The following FBXL17 variants were observed in gnomAD, a reference collection of about 807,000 sequenced individuals.
FBXL17 encodes F-box/LRR-repeat protein 17.
FBXL17 carries 22 observed loss-of-function variants against 66.2 expected under a neutral mutation model. That is an observed-to-expected ratio of 0.33 (90% CI 0.24 to 0.47). FBXL17 has a LOEUF of 0.47. FBXL17 is among the 20% of genes least tolerant of loss of function. The pLI is 1.00. For missense variants in FBXL17, 878 were observed against 948.2 expected (o/e 0.93, Z 0.97); for synonymous variants, 474 against 400.5 (o/e 1.18, Z -2.19).
At chr5:108,097,161 G>A (rs1201095371) in intron 6 of FBXL17, among the ~76,000 whole-genome samples, 2 of 151,166 alleles carry the variant, frequency 1.3e-5, no homozygotes, top group Non-Finnish European at 2.9e-5. Flanking sequence ...ATAAACGGCA[G>A]TTTCACCTGT....
At chr5:107,868,050 G>A (rs1327616673) in intron 8 of FBXL17, among the ~76,000 whole-genome samples, 3 of 152,200 alleles carry the variant, frequency 2.0e-5, no homozygotes, top group Admixed American at 1.3e-4. Context: ...AGACAGGAAA[G>A]GAATAATATT....
intron 6 of FBXL17, among the ~76,000 whole-genome samples, chr5:108,139,594 A>C (rs889623677): frequency 6.6e-6 from 1 of 152,046 alleles, no homozygotes; most frequent in Non-Finnish European, 1.5e-5. Flanking sequence ...AGCTCTTCCA[A>C]ATTTTAGCTC....
At chr5:108,059,367 A>T (rs572424583) in intron 6 of FBXL17, among the ~76,000 whole-genome samples, 1 of 152,316 alleles carries the variant, frequency 6.6e-6, no homozygotes, top group South Asian at 2.1e-4. Flanking sequence ...TTCCATTAAC[A>T]TATGAAGAAG....
intron 7 of FBXL17, among the ~76,000 whole-genome samples, chr5:107,929,749 T>C (rs1169007996): frequency 2.0e-5 from 3 of 152,096 alleles, no homozygotes; most frequent in African/African-American, 4.8e-5. Flanking sequence ...TGTAGGAGCA[T>C]CACCTGTTCC....
At chr5:107,963,085 G>T (rs1237042680) in intron 7 of FBXL17, among the ~76,000 whole-genome samples, 2 of 152,070 alleles carry the variant, frequency 1.3e-5, no homozygotes, top group African/African-American at 4.8e-5. Flanking sequence ...AAAGATCAAA[G>T]ATATTTTCTT....
intron 4 of FBXL17, among the ~76,000 whole-genome samples, chr5:108,247,684 G>A (rs1299949391): frequency 1.3e-5 from 2 of 151,978 alleles, no homozygotes; most frequent in Admixed American, 1.3e-4. Context: ...AAAGTTTTGA[G>A]GATATTTTAA....
intron 6 of FBXL17, among the ~76,000 whole-genome samples, chr5:108,121,024 C>A (rs915323515): frequency 6.6e-6 from 1 of 152,134 alleles, no homozygotes; most frequent in Non-Finnish European, 1.5e-5. Flanking sequence ...AGTAAACAGG[C>A]TATACCGTTA....
intron 6 of FBXL17, among the ~76,000 whole-genome samples, chr5:108,037,276 A>C (rs940872664): frequency 1.3e-5 from 2 of 152,172 alleles, no homozygotes; most frequent in Non-Finnish European, 2.9e-5. Flanking sequence ...CTCATTTTAC[A>C]CTTCTTGATA....
At chr5:107,896,563 T>G (rs572446606) in intron 7 of FBXL17, among the ~76,000 whole-genome samples, 3 of 152,166 alleles carry the variant, frequency 2.0e-5, no homozygotes, top group African/African-American at 7.2e-5. Flanking sequence ...TCTCTTGCAG[T>G]TCTTGTCTAT....
At chr5:108,339,897 G>C (rs1746761257) in intron 4 of FBXL17, among the ~76,000 whole-genome samples, 2 of 152,062 alleles carry the variant, frequency 1.3e-5, no homozygotes, top group South Asian at 4.1e-4. Context: ...CCCAGAGTTA[G>C]TGAACTAATT....
At chr5:108,130,845 C>T (rs1750905462) in intron 6 of FBXL17, among the ~76,000 whole-genome samples, 1 of 151,994 alleles carries the variant, frequency 6.6e-6, no homozygotes, top group African/African-American at 2.4e-5. Flanking sequence ...TTATTGTGTC[C>T]TAATCTAAAA....
intron 7 of FBXL17, among the ~76,000 whole-genome samples, chr5:107,887,545 C>A (rs768974434): frequency 6.6e-6 from 1 of 151,986 alleles, no homozygotes; most frequent in African/African-American, 2.4e-5. Flanking sequence ...TGTAATACTT[C>A]GATAAAAGCC....
At chr5:107,951,882 C>A (rs966095487) in intron 7 of FBXL17, among the ~76,000 whole-genome samples, 1 of 152,160 alleles carries the variant, frequency 6.6e-6, no homozygotes, top group African/African-American at 2.4e-5. Flanking sequence ...GAGATGGGTG[C>A]AAACAACCTT....
rs563058019 is a variant in FBXL17 at position 108,375,296 on chromosome 5, C to T, written c.993+5403G>A. 2.0e-5 allele frequency among the ~76,000 whole-genome samples: 3 copies of T among 151,946 alleles called. No individual in the cohort carries two copies. The East Asian group carries it at 5.8e-4, about 29-fold the overall frequency. On this transcript the variant is annotated intron_variant, in intron 1 of 8. Transcript: ENST00000542267. ...GTCACTTGAGCCCAGGAGTTTAAGG[C>T]TGCACTTCCATTTACATAGCTATAA... is the stretch of plus-strand genomic sequence containing the variant.
intron 8 of FBXL17, among the ~76,000 whole-genome samples, chr5:107,870,022 T>C (rs562130870): frequency 6.6e-6 from 1 of 152,232 alleles, no homozygotes; most frequent in East Asian, 1.9e-4. Context: ...TAGAATTACC[T>C]GAAGATCTTT....
intron 5 of FBXL17, among the ~76,000 whole-genome samples, chr5:108,209,182 ACTTG>A (rs1754258178): frequency 6.6e-6 from 1 of 152,188 alleles, no homozygotes; most frequent in African/African-American, 2.4e-5. Flanking sequence ...ACTTTGCTGA[ACTTG>A]CTTATCAGCT....
At chr5:108,085,107 T>C (rs1051395989) in intron 6 of FBXL17, among the ~76,000 whole-genome samples, 3 of 152,222 alleles carry the variant, frequency 2.0e-5, no homozygotes, top group Non-Finnish European at 4.4e-5. Context: ...GTCAAACATA[T>C]CAATTTCAAA....
intron 4 of FBXL17, among the ~76,000 whole-genome samples, chr5:108,282,925 A>C (rs1285395087): frequency 6.6e-6 from 1 of 151,334 alleles, no homozygotes; most frequent in East Asian, 1.9e-4. Flanking sequence ...AAAAAAAAAA[A>C]CCTAGGAACA....
chr5:108,076,702 G>A (rs1343456787), intron 6 of FBXL17, among the ~76,000 whole-genome samples: 2 of 152,058 alleles, frequency 1.3e-5, no homozygotes, highest in Non-Finnish European at 2.9e-5. Context: ...CCTTAATACG[G>A]CAATGTCCCC....
Sources: gnomAD v4.1 joint callset for allele counts (sites outside exome capture counted in the v4.1 genomes callset) on GRCh38, gnomAD v4.1.1 for gene constraint, MANE v1.5 for transcripts, NCBI Gene and HGNC (gene_info 2026-07-23, HGNC 2026-07-21) for gene names.